The following DLG2 variants were observed in gnomAD, a reference collection of about 807,000 sequenced individuals.
DLG2 encodes disks large homolog 2.
Under a neutral mutation model 132.5 loss-of-function variants are expected in DLG2, and 45 were observed. That is an observed-to-expected ratio of 0.34 (90% CI 0.27 to 0.44). DLG2 has a LOEUF of 0.44. Among genes scored for constraint, DLG2 ranks in the 20% least tolerant of loss-of-function variants. DLG2 has a pLI of 1.00. For synonymous variants in DLG2, 424 were observed against 419.6 expected (o/e 1.01, Z -0.13); for missense variants, 1,045 against 1,196.9 (o/e 0.87, Z 1.87).
At chr11:84,209,553 G>A (rs766059702) in intron 8 of DLG2, among the ~76,000 whole-genome samples, 2 of 151,944 alleles carry the variant, frequency 1.3e-5, no homozygotes, top group Admixed American at 6.6e-5. Context: ...ACTGGTTCAC[G>A]GGCATAAAGA....
intron 17 of DLG2, among the ~76,000 whole-genome samples, chr11:83,823,534 T>C (rs967122517): frequency 2.0e-5 from 3 of 152,158 alleles, no homozygotes; most frequent in African/African-American, 7.2e-5. Flanking sequence ...AAAGCTTTAA[T>C]GTATTCTGAA....
chr11:84,360,203 A>C (rs571563985), intron 7 of DLG2, among the ~76,000 whole-genome samples: 1 of 152,068 alleles, frequency 6.6e-6, no homozygotes, highest in African/African-American at 2.4e-5. Context: ...TAGCCACATT[A>C]TCTCAATTTT....
At chr11:85,009,452 T>C (rs1277031439) in intron 6 of DLG2, among the ~76,000 whole-genome samples, 1 of 152,102 alleles carries the variant, frequency 6.6e-6, no homozygotes, top group Non-Finnish European at 1.5e-5. Flanking sequence ...GCAACAGTTT[T>C]AGAATAATTA....
At chr11:84,903,699 T>C (rs185161639) in intron 6 of DLG2, among the ~76,000 whole-genome samples, 1 of 152,280 alleles carries the variant, frequency 6.6e-6, no homozygotes, top group African/African-American at 2.4e-5. Flanking sequence ...TTAGGATAGT[T>C]GTGCAGTTCT....
At chr11:85,388,420 C>T (rs1331723522) in intron 3 of DLG2, among the ~76,000 whole-genome samples, 1 of 152,132 alleles carries the variant, frequency 6.6e-6, no homozygotes, top group Non-Finnish European at 1.5e-5. Context: ...TAGCCCTGCC[C>T]ACCACCTGAG....
chr11:84,985,967 G>A (rs2056422734), intron 6 of DLG2, among the ~76,000 whole-genome samples: 1 of 123,438 alleles, frequency 8.1e-6, no homozygotes, highest in East Asian at 2.7e-4. Flanking sequence ...ACTCCAGCCT[G>A]GGCAACGGAG....
chr11:84,553,869 G>A (rs375731525), intron 6 of DLG2, among the ~76,000 whole-genome samples: 36 of 152,200 alleles, frequency 2.4e-4, no homozygotes, highest in African/African-American at 7.7e-4. Context: ...TGAAGAATGA[G>A]TGCTTGGGGG....
chr11:84,252,430 C>T (rs1464140515), intron 7 of DLG2, among the ~76,000 whole-genome samples: 13 of 151,964 alleles, frequency 8.6e-5, no homozygotes, highest in Admixed American at 5.9e-4. Flanking sequence ...AACAAGCATG[C>T]CCTGCCATAT....
chr11:84,238,117 C>T (rs1051808141), intron 8 of DLG2, among the ~76,000 whole-genome samples: 2 of 144,752 alleles, frequency 1.4e-5, no homozygotes, highest in African/African-American at 5.1e-5. Context: ...GTCACTGAAA[C>T]AAGGTAGCTG....
At chr11:83,879,336 A>AC (rs2065559218) in intron 15 of DLG2, among the ~76,000 whole-genome samples, 1 of 152,208 alleles carries the variant, frequency 6.6e-6, no homozygotes, top group Non-Finnish European at 1.5e-5. Flanking sequence ...TGTGACTTGT[A>AC]AAGTCACATT....
intron 15 of DLG2, among the ~76,000 whole-genome samples, chr11:83,903,370 A>G (rs1160582051): frequency 6.6e-6 from 1 of 152,148 alleles, no homozygotes; most frequent in Non-Finnish European, 1.5e-5. Context: ...TTGAAGGTAG[A>G]TATGTACAGA....
chr11:83,574,469 T>C (rs1315106019), intron 19 of DLG2, among the ~76,000 whole-genome samples: 1 of 152,156 alleles, frequency 6.6e-6, no homozygotes, highest in African/African-American at 2.4e-5. Context: ...AATATAGTCA[T>C]TTTCTGATTT....
chr11:83,709,517 T>C (rs2084898611), intron 18 of DLG2, among the ~76,000 whole-genome samples: 1 of 152,048 alleles, frequency 6.6e-6, no homozygotes, highest in Non-Finnish European at 1.5e-5. Flanking sequence ...GAATATGGTG[T>C]TTCATTACAA....
intron 6 of DLG2, among the ~76,000 whole-genome samples, chr11:84,941,493 T>G (rs1373076183): frequency 6.6e-6 from 1 of 152,158 alleles, no homozygotes; most frequent in African/African-American, 2.4e-5. Flanking sequence ...TCATATGGTT[T>G]TTATCCTTCA....
intron 3 of DLG2, among the ~76,000 whole-genome samples, chr11:85,328,799 A>G (rs1046671867): frequency 7.7e-6 from 1 of 129,858 alleles, no homozygotes; most frequent in Non-Finnish European, 1.6e-5. Flanking sequence ...AGAAGGAAAT[A>G]AAGGGTATTC....
At chr11:84,092,559 T>C (rs1187193851) in intron 10 of DLG2, among the ~76,000 whole-genome samples, 2 of 152,218 alleles carry the variant, frequency 1.3e-5, no homozygotes, top group African/African-American at 4.8e-5. Flanking sequence ...GAAGTTGTTC[T>C]TTCAGGAGAA....
chr11:83,771,914 T>C (rs1178925408), intron 18 of DLG2, among the ~76,000 whole-genome samples: 2 of 152,220 alleles, frequency 1.3e-5, no homozygotes, highest in Non-Finnish European at 2.9e-5. Flanking sequence ...TTTGCACATA[T>C]TTCCAAGGGA....
At chr11:84,158,419 G>A (rs34293665) in intron 9 of DLG2, among the ~76,000 whole-genome samples, 1 of 152,036 alleles carries the variant, frequency 6.6e-6, no homozygotes, top group African/African-American at 2.4e-5. Flanking sequence ...AAGAAAATCT[G>A]TTTGGAGGAA....
chr11:84,213,844 A>G (rs916948739), intron 8 of DLG2, among the ~76,000 whole-genome samples: 2 of 151,168 alleles, frequency 1.3e-5, no homozygotes, highest in Non-Finnish European at 3.0e-5. Flanking sequence ...AAAGAAAAAA[A>G]AAAAGGATGT....
Sources: allele counts gnomAD v4.1 joint callset (sites outside exome capture counted in the v4.1 genomes callset), GRCh38; gene constraint gnomAD v4.1.1; transcripts MANE v1.5; gene names NCBI Gene and HGNC (gene_info 2026-07-23, HGNC 2026-07-21).